Variants in ROR2 observed in about 807,000 individuals in gnomAD.
The protein encoded by ROR2 is ROR family WNT receptor 2.
ROR2 carries 33 observed loss-of-function variants against 74.9 expected under a neutral mutation model. The observed-to-expected ratio is 0.44, with a 90% CI of 0.33 to 0.59. The LOEUF (loss-of-function observed/expected upper bound fraction) is 0.59, where lower values mean the gene tolerates loss of function less well. Ranked by LOEUF, ROR2 falls within the 20% of genes least tolerant of loss-of-function variation. The pLI, the probability that ROR2 is intolerant of heterozygous loss-of-function variation, is 0.02. For missense variants in ROR2, 1,216 were observed against 1,313.8 expected (o/e 0.93, Z 1.15); for synonymous variants, 586 against 558.7 (o/e 1.05, Z -0.69).
At position 91,756,077 on chromosome 9, in the gene ROR2, T is replaced by A. The variant is rs779925623; in HGVS notation, c.488A>T (p.Asn163Ile). ...GGGGAAAACAGATACTTACTGAAAG[T>A]TATGATTTGGGCTGTGCGTTGGACC... ...RLGPTHSPNH[N>I]FQDDYHEDGF... The change falls in exon 4 of 9, where the codon AAC becomes ATC. Residue 163 changes from asparagine to isoleucine, a missense_variant. Asn to Ile is a moderately radical substitution (Grantham distance 149, BLOSUM62 -3). Transcript: ENST00000375708. 1 of 1,614,016 alleles carries A rather than the reference T, an allele frequency of 6.2e-7. No individual in the cohort carries two copies. Among genetic ancestry groups the A allele is most frequent in the Non-Finnish European group, 8.5e-7 (1 of 1,179,892 alleles).
At chr9:91,730,825 C>T in intron 7 of ROR2, 85 bp downstream of exon 7, 1 of 1,585,404 alleles carries the variant, frequency 6.3e-7, no homozygotes, top group South Asian at 1.1e-5. Context: ...AGAGGCACAC[C>T]CCAACCCAGG....
At chr9:91,842,434 G>C (rs557615457) in intron 1 of ROR2, among the ~76,000 whole-genome samples, 112 of 152,342 alleles carry the variant, frequency 7.4e-4, no homozygotes, top group South Asian at 2.1e-3. Flanking sequence ...CACCAAGAAT[G>C]CAAGTCAATA....
chr9:91,915,267 A>T (rs1215761077), intron 1 of ROR2, among the ~76,000 whole-genome samples: 1 of 152,302 alleles, frequency 6.6e-6, no homozygotes, highest in East Asian at 1.9e-4. Context: ...CACCAACAGC[A>T]GCCCCCTTTT....
intron 1 of ROR2, among the ~76,000 whole-genome samples, chr9:91,942,713 AAATCC>A (rs1187030412): frequency 6.6e-6 from 1 of 152,192 alleles, no homozygotes; most frequent in Non-Finnish European, 1.5e-5. Flanking sequence ...AGTGGTCCCT[AAATCC>A]AATCACTGGT....
At chr9:91,899,915 C>A (rs1285758222) in intron 1 of ROR2, among the ~76,000 whole-genome samples, 11 of 152,204 alleles carry the variant, frequency 7.2e-5, no homozygotes, top group Non-Finnish European at 1.6e-4. Flanking sequence ...CATCTGCACA[C>A]TCGAACACAT....
chr9:91,892,328 G>C (rs567271582), intron 1 of ROR2, among the ~76,000 whole-genome samples: 11 of 152,330 alleles, frequency 7.2e-5, no homozygotes, highest in African/African-American at 2.6e-4. Flanking sequence ...GCCATCGTCT[G>C]CAGAAGGGCA....
intron 1 of ROR2, among the ~76,000 whole-genome samples, chr9:91,802,001 A>G (rs1299344313): frequency 6.6e-6 from 1 of 151,364 alleles, no homozygotes; most frequent in Non-Finnish European, 1.5e-5. Context: ...TAGGACTGAC[A>G]GCCGAGCCCA....
intron 1 of ROR2, among the ~76,000 whole-genome samples, chr9:91,781,469 A>G (rs1826617600): frequency 6.6e-6 from 1 of 152,218 alleles, no homozygotes; most frequent in South Asian, 2.1e-4. Context: ...ATTGGGAAGG[A>G]GCAGCGTATA....
At chr9:91,903,381 G>A (rs1024463998) in intron 1 of ROR2, among the ~76,000 whole-genome samples, 7 of 152,034 alleles carry the variant, frequency 4.6e-5, no homozygotes, top group African/African-American at 1.4e-4. Context: ...TTCCCATCGG[G>A]CATCAACTCA....
Position 91,726,564 on chromosome 9 carries a change from G to C in ROR2, c.1363C>G (p.Pro455Ala). Residue 455 changes from proline (P) to alanine (A), a missense_variant, in exon 8 of 9, where the codon CCC becomes GCC. Coordinates refer to ENST00000375708, the MANE Select transcript of ROR2 (RefSeq NM_004560.4). ...MASPSQDMEM[P>A]LINQHKQAKL... ...ACCTGTTTGTGCTGGTTAATGAGGGGCATTTCCATGTCTTGGCTGGGCGAG... is the reference window on the plus strand; with the variant it reads ...ACCTGTTTGTGCTGGTTAATGAGGGCCATTTCCATGTCTTGGCTGGGCGAG... The C allele has an allele frequency of 6.2e-7, 1 of 1,612,744 alleles. No homozygotes were observed. The highest frequency in any genetic ancestry group is 8.5e-7 in the Non-Finnish European group (1 of 1,180,026).
chr9:91,765,123 T>C (rs1339103275), intron 2 of ROR2, among the ~76,000 whole-genome samples: 1 of 152,228 alleles, frequency 6.6e-6, no homozygotes, highest in African/African-American at 2.4e-5. Context: ...TCATAAAATA[T>C]TAAATATCCT....
chr9:91,924,708 G>A (rs1831352688), intron 1 of ROR2, among the ~76,000 whole-genome samples: 1 of 152,136 alleles, frequency 6.6e-6, no homozygotes, highest in Non-Finnish European at 1.5e-5. Context: ...CAGGAGAATG[G>A]CGGGAACCCA....
In ROR2 at chr9:91,724,504, T is replaced by A; in HGVS notation, c.1990A>T (p.Ile664Phe). Residue 664 changes from isoleucine (I) to phenylalanine (F), a missense_variant, in exon 9 of 9, where the codon ATC (isoleucine) becomes TTC (phenylalanine). Transcript: ENST00000375708. ...TCGATGGAGAACTTGCCGTACATGA[T>A]GGCCTCTGGGGCCATCCAGCGGATA... ...LPIRWMAPEA[I>F]MYGKFSIDSD... The A allele has an allele frequency of 6.2e-7, 1 of 1,614,212 alleles. No homozygotes were observed. Among genetic ancestry groups the A allele is most frequent in the Non-Finnish European group, 8.5e-7 (1 of 1,180,030 alleles).
At chr9:91,948,726 T>C (rs1480651149) in intron 1 of ROR2, 1 of 985,242 alleles carries the variant, frequency 1.0e-6, no homozygotes, top group East Asian at 1.1e-4. Flanking sequence ...CCTGCAGGAG[T>C]GCAGGGATGG....
At chr9:91,830,355 C>T (rs1828427264) in intron 1 of ROR2, among the ~76,000 whole-genome samples, 1 of 152,148 alleles carries the variant, frequency 6.6e-6, no homozygotes, top group Admixed American at 6.5e-5. Flanking sequence ...CCTGTTAGTC[C>T]AAGCTACCCT....
chr9:91,803,848 T>G (rs1827466512), intron 1 of ROR2, among the ~76,000 whole-genome samples: 1 of 152,254 alleles, frequency 6.6e-6, no homozygotes, highest in Non-Finnish European at 1.5e-5. Flanking sequence ...AGAATTGCTT[T>G]GACTGTGCAA....
chr9:91,940,079 G>C (rs1437996700), intron 1 of ROR2, among the ~76,000 whole-genome samples: 2 of 152,218 alleles, frequency 1.3e-5, no homozygotes, highest in Non-Finnish European at 1.5e-5. Flanking sequence ...ACACCTTCCA[G>C]AATTCGGAGC....
chr9:91,754,602 C>A (rs147930664), intron 4 of ROR2, among the ~76,000 whole-genome samples: 1 of 152,042 alleles, frequency 6.6e-6, no homozygotes, highest in Non-Finnish European at 1.5e-5. Context: ...TTGCAGTGAG[C>A]GGAGACTGCA....
chr9:91,733,679 G>A lies in ROR2; in HGVS notation c.623-243C>T, dbSNP rs1353595553. ...TCACAGAAAAGTCCCTGGTCCCAGG[G>A]CCTCACTTAGAAACATCAGAAGCAG... is the stretch of plus-strand genomic sequence containing the variant. On this transcript the variant is annotated intron_variant, in intron 5 of 8. Coordinates refer to ENST00000375708, the MANE Select transcript of ROR2 (RefSeq NM_004560.4). This position sits in a 1 kb window ranked among gnomAD's most constrained non-coding sequence, Gnocchi z 5.7. 6.6e-6 allele frequency among the ~76,000 whole-genome samples: 1 copy of A among 152,158 alleles called. No homozygotes were observed. The highest frequency in any genetic ancestry group is 1.5e-5 in the Non-Finnish European group (1 of 68,034).
Sources: gnomAD v4.1 joint callset for allele counts (sites outside exome capture counted in the v4.1 genomes callset) on GRCh38, gnomAD v4.1.1 for gene constraint, Gnocchi (gnomAD v3.1) non-coding constraint, MANE v1.5 for transcripts, NCBI Gene and HGNC (gene_info 2026-07-23, HGNC 2026-07-21) for gene names.